The following CFAP221 variants were observed in gnomAD, a reference collection of about 807,000 sequenced individuals.
The protein encoded by CFAP221 is cilia and flagella associated protein 221.
CFAP221 carries 97 observed loss-of-function variants against 113.1 expected under a neutral mutation model. The observed-to-expected ratio is 0.86, with a 90% CI of 0.73 to 1.02. CFAP221 has a LOEUF of 1.02. Among genes scored for constraint, CFAP221 ranks in the 50% least tolerant of loss-of-function variants. The pLI is 0.00. For synonymous variants in CFAP221, 331 were observed against 354.4 expected, an observed-to-expected ratio of 0.93 and a Z score of 0.74; for missense variants, 1,025 against 1,013.4, an observed-to-expected ratio of 1.01 and a Z score of -0.16.
chr2:119,627,626 T>TA (rs750051633), intron 15 of CFAP221, 27 bp from the exon 16 acceptor site: 1 of 1,610,864 alleles, frequency 6.2e-7, no homozygotes, highest in African/African-American at 1.3e-5. Context: ...TAGTACCCCC[T>TA]AAAAGTGCCC....
chr2:119,567,437 C>T (rs1474697450), intron 6 of CFAP221, among the ~76,000 whole-genome samples: 1 of 152,156 alleles, frequency 6.6e-6, no homozygotes, highest in African/African-American at 2.4e-5. Context: ...CATATCTTTT[C>T]AGGGCTTGGT....
chr2:119,646,538 C>G (rs996285250), intron 21 of CFAP221, among the ~76,000 whole-genome samples: 1 of 152,130 alleles, frequency 6.6e-6, no homozygotes, highest in African/African-American at 2.4e-5. Flanking sequence ...GGTGCTAACC[C>G]ATTCCTGAGA....
chr2:119,560,155 C>T (rs1268141059), intron 5 of CFAP221, 129 bp downstream of exon 5: 7 of 712,808 alleles, frequency 9.8e-6, no homozygotes, highest in African/African-American at 5.6e-5. Context: ...ACCGGGTGTT[C>T]CCCAGGTCAC....
intron 7 of CFAP221, among the ~76,000 whole-genome samples, chr2:119,599,978 A>G (rs1336720095): frequency 1.3e-5 from 2 of 152,148 alleles, no homozygotes; most frequent in African/African-American, 4.8e-5. Context: ...CACAAGATTC[A>G]GGAAGTGAAT....
intron 23 of CFAP221, among the ~76,000 whole-genome samples, chr2:119,655,285 A>G (rs1386807117): frequency 3.9e-5 from 6 of 152,176 alleles, no homozygotes; most frequent in South Asian, 2.1e-4. Context: ...TGAGACTGTG[A>G]CTTTAGTTGC....
intron 13 of CFAP221, among the ~76,000 whole-genome samples, chr2:119,615,037 T>G (rs989431406): frequency 6.6e-6 from 1 of 152,238 alleles, no homozygotes; most frequent in Non-Finnish European, 1.5e-5. Context: ...TAAGCCAAAG[T>G]AAGACTGATT....
intron 23 of CFAP221, among the ~76,000 whole-genome samples, chr2:119,652,296 T>C (rs1383831766): frequency 6.6e-6 from 1 of 152,240 alleles, no homozygotes; most frequent in Admixed American, 6.5e-5. Flanking sequence ...ATTTTCCATG[T>C]GCTTATCAAT....
At chr2:119,629,412 C>T (rs1686604088) in intron 16 of CFAP221, among the ~76,000 whole-genome samples, 1 of 152,208 alleles carries the variant, frequency 6.6e-6, no homozygotes, top group Non-Finnish European at 1.5e-5. Flanking sequence ...GAGGCTGGCA[C>T]AGGGTGAGAG....
intron 7 of CFAP221, 60 bp from the exon 8 acceptor site, chr2:119,601,158 C>T: frequency 7.2e-7 from 1 of 1,397,710 alleles, no homozygotes; most frequent in Non-Finnish European, 9.5e-7. Context: ...TGTGTGTCAG[C>T]ATGTGACTGG....
chr2:119,595,229 T>G (rs1355395414), intron 7 of CFAP221, among the ~76,000 whole-genome samples: 1 of 152,246 alleles, frequency 6.6e-6, no homozygotes. Context: ...CCAGGCAGAC[T>G]CCTACATTTT....
chr2:119,566,519 A>G (rs1478989627), intron 6 of CFAP221, among the ~76,000 whole-genome samples: 1 of 152,158 alleles, frequency 6.6e-6, no homozygotes, highest in Non-Finnish European at 1.5e-5. Flanking sequence ...TGCTGACTGC[A>G]GTCCAGCCTT....
intron 22 of CFAP221, among the ~76,000 whole-genome samples, chr2:119,650,804 T>C (rs919895057): frequency 6.6e-6 from 1 of 152,254 alleles, no homozygotes; most frequent in Non-Finnish European, 1.5e-5. Flanking sequence ...GCTTTCAATC[T>C]AATGAGGCTA....
At position 119,590,498 on chromosome 2, in the gene CFAP221, G is replaced by A. The variant is rs535558755; in HGVS notation, c.631+3276G>A. On this transcript the variant is annotated intron_variant, in intron 7 of 23. Coordinates refer to ENST00000413369, the MANE Select transcript of CFAP221 (RefSeq NM_001271049.2). The stretch of plus-strand genomic sequence containing the variant: ...CTGTTGAGGTTCAAGGCACTTTCAT[G>A]CAGCACCTGCTCTGGGCAGCCTGTC... Among the ~76,000 whole-genome samples, 4 of 152,278 alleles carry A rather than the reference G, an allele frequency of 2.6e-5. No homozygotes were observed. The East Asian group carries it at 5.8e-4, about 22-fold the overall frequency.
At chr2:119,640,684 C>G (rs1687430351) in intron 21 of CFAP221, among the ~76,000 whole-genome samples, 2 of 152,198 alleles carry the variant, frequency 1.3e-5, no homozygotes, top group African/African-American at 4.8e-5. Flanking sequence ...AGGCCCACCC[C>G]AAGGTGGCAG....
chr2:119,556,296 A>C (rs1680792091), intron 3 of CFAP221: 1 of 151,878 alleles, frequency 6.6e-6, no homozygotes. Context: ...TCTCCATTTC[A>C]CTTCAGATCT....
In CFAP221 at chr2:119,605,299, G is replaced by A; in HGVS notation, c.1133+10G>A. Reference sequence around the variant, plus strand: ...AAAATCATCTTAAGTGGTAAATATTGAGCAATTGTTTGTATCAAGTGTCAG... The same window carrying A: ...AAAATCATCTTAAGTGGTAAATATTAAGCAATTGTTTGTATCAAGTGTCAG... On this transcript the variant is annotated intron_variant, in intron 11 of 23. Coordinates refer to ENST00000413369, the MANE Select transcript of CFAP221 (RefSeq NM_001271049.2). 6.3e-7 allele frequency: 1 copy of A among 1,591,946 alleles called. No homozygotes were observed. The highest frequency in any genetic ancestry group is 8.6e-7 in the Non-Finnish European group (1 of 1,160,150).
chr2:119,580,583 A>G (rs1179023136), intron 6 of CFAP221: 1 of 152,238 alleles, frequency 6.6e-6, no homozygotes, highest in Non-Finnish European at 1.5e-5. Context: ...TCTGGTCAGG[A>G]TGAAGCAGTG....
intron 19 of CFAP221, among the ~76,000 whole-genome samples, chr2:119,636,805 T>C (rs1031420474): frequency 1.3e-4 from 20 of 152,208 alleles, no homozygotes; most frequent in African/African-American, 4.6e-4. Flanking sequence ...AAAAGCATCA[T>C]GGGGTGACCA....
At chr2:119,651,891 T>C in intron 22 of CFAP221, 83 bp from the exon 23 acceptor site, 1 of 1,090,058 alleles carries the variant, frequency 9.2e-7, no homozygotes, top group Non-Finnish European at 1.3e-6. Context: ...ATTGCATAAC[T>C]CCTAAATGAT....
Sources: gnomAD v4.1 joint callset for allele counts (sites outside exome capture counted in the v4.1 genomes callset) on GRCh38, gnomAD v4.1.1 for gene constraint, MANE v1.5 for transcripts, NCBI Gene and HGNC (gene_info 2026-07-23, HGNC 2026-07-21) for gene names.